The following PRDM11 variants were observed in gnomAD, a reference collection of about 807,000 sequenced individuals.
PRDM11 encodes PR domain-containing protein 11.
Under a neutral mutation model 97.8 loss-of-function variants are expected in PRDM11, and 20 were observed. The observed-to-expected ratio is 0.20, with a 90% CI of 0.14 to 0.30. PRDM11 has a LOEUF of 0.30. Among genes scored for constraint, PRDM11 ranks in the 10% least tolerant of loss-of-function variants. The pLI is 1.00. For synonymous variants in PRDM11, 599 were observed against 637.7 expected (o/e 0.94, Z 0.91); for missense variants, 1,139 against 1,555.2 (o/e 0.73, Z 4.50).
Position 45,233,322 on chromosome 11 carries a change from CTCGCTCCATGCACTTTCT to C in PRDM11, c.*5164_*5181del, listed in dbSNP as rs1406128006. ...GGAGAGGAGAGTGGCTGGGTCCCGGCTCGCTCCATGCACTTTCTCTCCTTTTCCACAGGCTTGGTCTGA... is the reference window on the plus strand; with the variant it reads ...GGAGAGGAGAGTGGCTGGGTCCCGGCCTCCTTTTCCACAGGCTTGGTCTGA... On this transcript the variant is annotated 3_prime_UTR_variant, in exon 8 of 8. Transcript: ENST00000683152. 5.9e-5 allele frequency: 9 copies of C among 152,136 alleles called. No individual in the cohort carries two copies. Among genetic ancestry groups the C allele is most frequent in the Non-Finnish European group, 1.2e-4 (8 of 68,058 alleles). The allele number at this position is 152,136 out of a possible 1,614,324, so 9.4% of individuals were successfully genotyped here.
rs998710870 is a variant in PRDM11 at position 45,234,260 on chromosome 11, G to A, written c.*6101G>A. The A allele has an allele frequency of 1.6e-4, 25 of 152,334 alleles. No homozygotes were observed. Among genetic ancestry groups the A allele is most frequent in the Admixed American group, 1.6e-3 (24 of 15,290 alleles). The allele number at this position is 152,334 out of a possible 1,614,324, so 9.4% of individuals were successfully genotyped here. ...GAGAGGGCCTGACCAGGCACCAGAT[G>A]ATGGAGCAAGGGCAGCTGCATGCTC... On this transcript the variant is annotated 3_prime_UTR_variant, in exon 8 of 8. Coordinates refer to ENST00000683152, the MANE Select transcript of PRDM11 (RefSeq NM_001384648.1).
intron 1 of PRDM11, among the ~76,000 whole-genome samples, chr11:45,134,061 A>C (rs1012989764): frequency 2.0e-5 from 3 of 152,190 alleles, no homozygotes; most frequent in Admixed American, 6.5e-5. Flanking sequence ...GGCAAGGCAC[A>C]CATGGGAAAT....
chr11:45,205,905 C>T (rs1853491899), intron 5 of PRDM11, among the ~76,000 whole-genome samples: 1 of 152,124 alleles, frequency 6.6e-6, no homozygotes, highest in Non-Finnish European at 1.5e-5. Context: ...AAGGTGTTCT[C>T]ATTGCCGTTT....
chr11:45,215,078 C>T (rs1329264391), intron 5 of PRDM11, among the ~76,000 whole-genome samples: 1 of 152,232 alleles, frequency 6.6e-6, no homozygotes, highest in Non-Finnish European at 1.5e-5. Flanking sequence ...CCGTTTCGGA[C>T]AGGAGGCTTT....
At chr11:45,205,760 C>G (rs1448999592) in intron 5 of PRDM11, among the ~76,000 whole-genome samples, 1 of 152,132 alleles carries the variant, frequency 6.6e-6, no homozygotes, top group African/African-American at 2.4e-5. Flanking sequence ...AGGTTTGAGG[C>G]GTAGAGTATG....
rs890575660 is a variant in PRDM11, at chr11:45,228,267, A to T, written c.*108A>T. 2 of 207,664 alleles carry T rather than the reference A, an allele frequency of 9.6e-6. No homozygotes were observed. The highest frequency in any genetic ancestry group is 6.6e-5 in the Admixed American group (1 of 15,168). 12.9% of individuals were successfully genotyped at this position (207,664 alleles called of 1,614,324 possible). A position where few individuals can be genotyped will look rare whatever the true frequency, so the allele number is the denominator to read the frequency against. On this transcript the variant is annotated 3_prime_UTR_variant, in exon 8 of 8. Transcript: ENST00000683152. ...ATATTATATTATATTATATTATATTATATATATATATATATATAAACTCAC... is the reference window on the plus strand; with the variant it reads ...ATATTATATTATATTATATTATATTTTATATATATATATATATAAACTCAC...
At chr11:45,192,021 C>T (rs150323412) in intron 4 of PRDM11, among the ~76,000 whole-genome samples, 76 of 152,082 alleles carry the variant, frequency 5.0e-4, no homozygotes, top group Non-Finnish European at 9.3e-4. Context: ...CGCAACAGGC[C>T]GCCGTGTGTG....
At chr11:45,179,672 T>C (rs934902989) in intron 1 of PRDM11, among the ~76,000 whole-genome samples, 1 of 152,202 alleles carries the variant, frequency 6.6e-6, no homozygotes, top group Non-Finnish European at 1.5e-5. Context: ...TAAGGGCACC[T>C]AACCCTTATG....
At chr11:45,126,322 T>C (rs112059914) in intron 1 of PRDM11, among the ~76,000 whole-genome samples, 1 of 152,100 alleles carries the variant, frequency 6.6e-6, no homozygotes, top group Non-Finnish European at 1.5e-5. Flanking sequence ...AATTGGAGCA[T>C]TTAGCCCATT....
intron 1 of PRDM11, among the ~76,000 whole-genome samples, chr11:45,108,524 T>G (rs957341911): frequency 2.0e-5 from 3 of 152,192 alleles, no homozygotes; most frequent in African/African-American, 7.2e-5. Flanking sequence ...GGCTGGCATT[T>G]CCTGCTGGGG....
intron 3 of PRDM11, 21 bp from the exon 4 acceptor site, chr11:45,182,840 C>A: frequency 6.4e-7 from 1 of 1,553,546 alleles, no homozygotes; most frequent in Non-Finnish European, 8.7e-7. Flanking sequence ...GAGGCCCTCC[C>A]TTCTCTTTCC....
chr11:45,209,966 C>G (rs1220321148), intron 5 of PRDM11, among the ~76,000 whole-genome samples: 1 of 152,086 alleles, frequency 6.6e-6, no homozygotes, highest in Non-Finnish European at 1.5e-5. Context: ...GGGAGGCGCG[C>G]AGGCAGAGAA....
chr11:45,174,034 C>T (rs1850325565), intron 1 of PRDM11, among the ~76,000 whole-genome samples: 1 of 152,184 alleles, frequency 6.6e-6, no homozygotes, highest in Non-Finnish European at 1.5e-5. Flanking sequence ...CTTTTCCTGC[C>T]TTTTTCCAGT....
chr11:45,100,363 G>A (rs912380181), intron 1 of PRDM11, among the ~76,000 whole-genome samples: 1 of 152,132 alleles, frequency 6.6e-6, no homozygotes, highest in Non-Finnish European at 1.5e-5. Flanking sequence ...AGGCAGAGGG[G>A]CCACCCCATG....
upstream of PRDM11, among the ~76,000 whole-genome samples, chr11:45,095,148 T>G (rs1851871716): frequency 6.6e-6 from 1 of 152,134 alleles, no homozygotes; most frequent in Admixed American, 6.5e-5. Flanking sequence ...GGGAGCTGTC[T>G]GAAGCTGTGT....
chr11:45,119,619 C>CAAAAAAAAAAAAAAAAAAAAA (rs56367204), intron 1 of PRDM11, among the ~76,000 whole-genome samples: 2 of 43,058 alleles, frequency 4.6e-5, no homozygotes, highest in Admixed American at 2.9e-4. Flanking sequence ...GATTCTGTCT[C>CAAAAAAAAAAAAAAAAAAAAA]AAAAAAAAAA....
upstream of PRDM11, among the ~76,000 whole-genome samples, chr11:45,145,672 C>T (rs1441154006): frequency 6.6e-6 from 1 of 152,180 alleles, no homozygotes; most frequent in East Asian, 1.9e-4. Flanking sequence ...GTAGGAGAGA[C>T]GTCGCCATTG....
At chr11:45,180,621 A>G (rs577199654) in intron 1 of PRDM11, among the ~76,000 whole-genome samples, 5,160 of 150,282 alleles carry the variant, frequency 0.034, 121 homozygotes, top group Middle Eastern at 0.059. Context: ...GCGTGCCCCC[A>G]GGGCCGGCAA....
At chr11:45,094,590 G>A (rs549542674), upstream of PRDM11, among the ~76,000 whole-genome samples, 1 of 116,292 alleles carries the variant, frequency 8.6e-6, no homozygotes, top group South Asian at 2.9e-4. Flanking sequence ...GAAGGAAAGG[G>A]AGGGGAGGGG....
Sources: gnomAD v4.1 joint callset for allele counts (sites outside exome capture counted in the v4.1 genomes callset) on GRCh38, gnomAD v4.1.1 for gene constraint, MANE v1.5 for transcripts, NCBI Gene and HGNC (gene_info 2026-07-23, HGNC 2026-07-21) for gene names.